SDK1: variants seen among roughly 807,000 people sequenced by gnomAD.
The protein encoded by SDK1 is sidekick cell adhesion molecule 1.
SDK1 carries 157 observed loss-of-function variants against 245.5 expected under a neutral mutation model. That is an observed-to-expected ratio of 0.64 (90% CI 0.56 to 0.73). The LOEUF (loss-of-function observed/expected upper bound fraction) is 0.73. Ranked by LOEUF, SDK1 falls within the 30% of genes least tolerant of loss-of-function variation. SDK1 has a pLI of 0.00. For synonymous variants in SDK1, 1,647 were observed against 1,278.5 expected (o/e 1.29, Z -6.15); for missense variants, 3,583 against 3,002.3 (o/e 1.19, Z -4.52).
At chr7:3,327,704 A>G (rs1322098075) in intron 1 of SDK1, among the ~76,000 whole-genome samples, 1 of 152,182 alleles carries the variant, frequency 6.6e-6, no homozygotes, top group Non-Finnish European at 1.5e-5. Flanking sequence ...TTTAGAAGCA[A>G]AACTTGACCT....
At chr7:3,476,087 A>C (rs1280932824) in intron 1 of SDK1, 1 of 152,612 alleles carries the variant, frequency 6.6e-6, no homozygotes, top group Non-Finnish European at 1.5e-5. Flanking sequence ...CCTATTTTCA[A>C]ACAATTTCTC....
intron 4 of SDK1, among the ~76,000 whole-genome samples, chr7:3,777,818 A>T (rs1302900512): frequency 6.6e-6 from 1 of 152,256 alleles, no homozygotes; most frequent in Non-Finnish European, 1.5e-5. Context: ...TCATAAGCTT[A>T]GAGACTTTAC....
At chr7:3,755,250 C>T (rs1321154609) in intron 4 of SDK1, among the ~76,000 whole-genome samples, 2 of 151,954 alleles carry the variant, frequency 1.3e-5, no homozygotes, top group Non-Finnish European at 2.9e-5. Flanking sequence ...GTGTGGGGAG[C>T]GTATTTGGCT....
intron 5 of SDK1, among the ~76,000 whole-genome samples, chr7:3,833,051 T>G (rs1252074595): frequency 6.6e-6 from 1 of 152,124 alleles, no homozygotes; most frequent in African/African-American, 2.4e-5. Context: ...CTAGCTCACC[T>G]CAGTATTAGG....
At chr7:4,216,674 T>A (rs966444063) in intron 38 of SDK1, among the ~76,000 whole-genome samples, 2 of 152,164 alleles carry the variant, frequency 1.3e-5, no homozygotes, top group African/African-American at 4.8e-5. Flanking sequence ...TAAACAGTGA[T>A]CTCACCTGGT....
rs144855356 is a variant in SDK1 at position 3,504,869 on chromosome 7, A to C, written c.299-114211A>C. Reference sequence around the variant, plus strand: ...GCCTGGCAGTTCCTGAAAATGTTAAAATACAATTAATATATGACCTAGCAA... The same window carrying C: ...GCCTGGCAGTTCCTGAAAATGTTAACATACAATTAATATATGACCTAGCAA... On this transcript the variant is annotated intron_variant, in intron 1 of 44. Coordinates refer to ENST00000404826, the MANE Select transcript of SDK1 (RefSeq NM_152744.4). 2.7e-3 allele frequency among the ~76,000 whole-genome samples: 404 copies of C among 152,276 alleles called. 2 individuals are homozygous for C. Among genetic ancestry groups the C allele is most frequent in the African/African-American group, 9.2e-3 (384 of 41,562 alleles).
intron 5 of SDK1, among the ~76,000 whole-genome samples, chr7:3,878,095 A>G (rs78625830): frequency 0.014 from 2,148 of 152,384 alleles, 55 homozygotes; most frequent in African/African-American, 0.049. Flanking sequence ...CTGTCTCTGC[A>G]TTTAAAAGCT....
chr7:3,659,766 C>T (rs986045782), intron 4 of SDK1, among the ~76,000 whole-genome samples: 1 of 152,214 alleles, frequency 6.6e-6, no homozygotes, highest in African/African-American at 2.4e-5. Context: ...TAGGAAGCTT[C>T]TGCAAATGCC....
At chr7:4,165,287 A>T (rs977863070) in intron 32 of SDK1, among the ~76,000 whole-genome samples, 12 of 152,078 alleles carry the variant, frequency 7.9e-5, no homozygotes, top group Non-Finnish European at 1.2e-4. Flanking sequence ...TAAACCCGGG[A>T]GGTGGAGGTT....
chr7:3,435,795 G>C (rs533776759), intron 1 of SDK1, among the ~76,000 whole-genome samples: 7 of 152,232 alleles, frequency 4.6e-5, no homozygotes, highest in African/African-American at 1.7e-4. Flanking sequence ...CTCGTATTCA[G>C]TCTCTACGTC....
chr7:4,194,101 A>T (rs1186204011), intron 35 of SDK1, among the ~76,000 whole-genome samples: 2 of 151,960 alleles, frequency 1.3e-5, no homozygotes, highest in Non-Finnish European at 2.9e-5. Context: ...CAACAGAAGA[A>T]CTCCATCCTG....
At chr7:3,484,237 C>G (rs1015630797) in intron 1 of SDK1, among the ~76,000 whole-genome samples, 2 of 152,184 alleles carry the variant, frequency 1.3e-5, no homozygotes, top group Non-Finnish European at 2.9e-5. Flanking sequence ...TCACATCCCT[C>G]CAATACTGTA....
intron 22 of SDK1, among the ~76,000 whole-genome samples, chr7:4,084,395 G>C (rs1781289294): frequency 1.3e-5 from 2 of 152,156 alleles, no homozygotes; most frequent in African/African-American, 4.8e-5. Context: ...GGCCTAGGGA[G>C]GCTTTCGTAT....
At position 3,969,518 on chromosome 7, in the gene SDK1, T is replaced by C. The variant is rs948704044; in HGVS notation, c.1714+94T>C. The C allele has an allele frequency of 3.3e-6, 3 of 911,240 alleles. No homozygotes were observed. The African/African-American group carries it at 5.1e-5, about 15-fold the overall frequency. The allele number at this position is 911,240 out of a possible 1,614,324, so 56.4% of individuals were successfully genotyped here. Reference sequence around the variant, plus strand: ...TGGGGATGTCAGCATGCCCTTGGGCTTGCTAATTTAATCAAAAGAGAATGA... The same window carrying C: ...TGGGGATGTCAGCATGCCCTTGGGCCTGCTAATTTAATCAAAAGAGAATGA... On this transcript the variant is annotated intron_variant, in intron 11 of 44. Transcript: ENST00000404826.
At chr7:4,077,559 G>C (rs989043214) in intron 21 of SDK1, among the ~76,000 whole-genome samples, 1 of 152,154 alleles carries the variant, frequency 6.6e-6, no homozygotes, top group Non-Finnish European at 1.5e-5. Context: ...ACATACCCGA[G>C]ACTGGGCCAT....
At chr7:3,663,146 CA>C (rs1380326363) in intron 4 of SDK1, among the ~76,000 whole-genome samples, 1 of 152,060 alleles carries the variant, frequency 6.6e-6, no homozygotes, top group Non-Finnish European at 1.5e-5. Context: ...CAATGGTAAG[CA>C]GAAAAATTGT....
intron 4 of SDK1, among the ~76,000 whole-genome samples, chr7:3,713,079 G>T (rs1288770053): frequency 6.6e-6 from 1 of 152,242 alleles, no homozygotes; most frequent in African/African-American, 2.4e-5. Context: ...GGCAGGTGCT[G>T]CGTCCCTGGA....
intron 5 of SDK1, among the ~76,000 whole-genome samples, chr7:3,906,475 A>G (rs529988224): frequency 1.3e-5 from 2 of 151,860 alleles, no homozygotes; most frequent in Non-Finnish European, 2.9e-5. Flanking sequence ...TGGAACGCTC[A>G]TGCTCCCTGA....
At chr7:3,754,194 A>G (rs759050278) in intron 4 of SDK1, among the ~76,000 whole-genome samples, 3 of 152,146 alleles carry the variant, frequency 2.0e-5, no homozygotes, top group Admixed American at 6.5e-5. Context: ...TTCATATTAC[A>G]TTTTCATACA....
Sources: gnomAD v4.1 joint callset for allele counts (sites outside exome capture counted in the v4.1 genomes callset) on GRCh38, gnomAD v4.1.1 for gene constraint, MANE v1.5 for transcripts, NCBI Gene and HGNC (gene_info 2026-07-23, HGNC 2026-07-21) for gene names.